The following PPP1R1C variants were observed in gnomAD, a reference collection of about 807,000 sequenced individuals.
PPP1R1C encodes the protein protein phosphatase 1 regulatory inhibitor subunit 1C.
PPP1R1C carries 15 observed loss-of-function variants against 17.4 expected under a neutral mutation model. That is an observed-to-expected ratio of 0.86 (90% confidence interval 0.58 to 1.33). PPP1R1C has a LOEUF of 1.33. Among genes scored for constraint, PPP1R1C ranks in the 40% most tolerant of loss-of-function variants. The pLI is 0.00. For synonymous variants in PPP1R1C, 35 were observed against 43.1 expected, an observed-to-expected ratio of 0.81 and a Z score of 0.73; for missense variants, 143 against 130.0, an observed-to-expected ratio of 1.10 and a Z score of -0.48.
At chr2:182,080,345 A>C (rs905834319) in intron 4 of PPP1R1C, among the ~76,000 whole-genome samples, 1 of 152,190 alleles carries the variant, frequency 6.6e-6, no homozygotes, top group Non-Finnish European at 1.5e-5. Flanking sequence ...TGGTATCACT[A>C]TCCCCCATTT....
intron 4 of PPP1R1C, among the ~76,000 whole-genome samples, chr2:182,112,651 A>G (rs1689476083): frequency 6.6e-6 from 1 of 152,152 alleles, no homozygotes; most frequent in Admixed American, 6.6e-5. Flanking sequence ...ACCATCTGAA[A>G]CTGTTTCTTC....
rs140582751 is a variant in PPP1R1C at position 182,072,784 on chromosome 2, G to A, written c.241+8993G>A. Among the ~76,000 whole-genome samples the A allele has an allele frequency of 1.1e-4, 17 of 152,104 alleles. No individual in the cohort carries two copies. In the East Asian group the frequency reaches 2.5e-3, roughly 22 times the overall value. ...CTTTGTTTTTAATAATTTTAAACTCGTGTTATTGATCCTTATGTAATAACA... is the reference window on the plus strand; with the variant it reads ...CTTTGTTTTTAATAATTTTAAACTCATGTTATTGATCCTTATGTAATAACA... On this transcript the variant is annotated intron_variant, in intron 4 of 4. Transcript: ENST00000682840.
chr2:181,977,173 A>AAAAAAAT (rs1685108769), intron 2 of PPP1R1C, among the ~76,000 whole-genome samples: 1 of 105,914 alleles, frequency 9.4e-6, no homozygotes, highest in African/African-American at 3.8e-5. Context: ...AAAAAAAAAA[A>AAAAAAAT]GCTAGGCTAA....
chr2:182,009,571 TG>T (rs766430666), intron 2 of PPP1R1C, among the ~76,000 whole-genome samples: 1 of 152,086 alleles, frequency 6.6e-6, no homozygotes, highest in Admixed American at 6.5e-5. Flanking sequence ...TCCCATTCGG[TG>T]GGGGTGTCTA....
chr2:182,099,475 CA>C (rs1326487336), intron 4 of PPP1R1C, among the ~76,000 whole-genome samples: 1 of 152,160 alleles, frequency 6.6e-6, no homozygotes, highest in Non-Finnish European at 1.5e-5. Flanking sequence ...CATGCTTAAA[CA>C]AAACCTCACT....
chr2:182,006,742 A>G (rs1373195936), intron 2 of PPP1R1C, among the ~76,000 whole-genome samples: 1 of 152,220 alleles, frequency 6.6e-6, no homozygotes, highest in Non-Finnish European at 1.5e-5. Context: ...AACCCTGTAC[A>G]TGAACCATTA....
At chr2:182,122,513 T>G (rs1689757530), downstream of PPP1R1C, among the ~76,000 whole-genome samples, 1 of 152,148 alleles carries the variant, frequency 6.6e-6, no homozygotes, top group African/African-American at 2.4e-5. Flanking sequence ...ATCAAAAAAG[T>G]AATATATAAT....
intron 2 of PPP1R1C, among the ~76,000 whole-genome samples, chr2:181,990,854 G>T (rs1023220378): frequency 1.3e-5 from 2 of 152,128 alleles, no homozygotes; most frequent in Non-Finnish European, 2.9e-5. Context: ...CAAAAGCTGG[G>T]TGCAGCTTTA....
chr2:182,108,876 G>C lies in PPP1R1C; in HGVS notation c.242-8331G>C, dbSNP rs569981323. Among the ~76,000 whole-genome samples, 4 of 152,230 alleles carry C rather than the reference G, an allele frequency of 2.6e-5. No individual in the cohort carries two copies. In the South Asian group the frequency reaches 6.2e-4, roughly 24 times the overall value. ...GGACATCAGTTTTCGATTCATTTGG[G>C]TAAATACAAAGCAGTGATTTCTGGA... On this transcript the variant is annotated intron_variant, in intron 4 of 4. Transcript: ENST00000682840.
intron 5 of PPP1R1C, among the ~76,000 whole-genome samples, chr2:182,127,329 A>G (rs114012996): frequency 0.012 from 1,880 of 152,208 alleles, 45 homozygotes; most frequent in African/African-American, 0.042. Context: ...AGTGAGGCCT[A>G]GAGAATTTTT....
intron 1 of PPP1R1C, among the ~76,000 whole-genome samples, chr2:181,960,388 C>T (rs1230607052): frequency 6.6e-6 from 1 of 152,228 alleles, no homozygotes; most frequent in African/African-American, 2.4e-5. Context: ...GATCAGTGGT[C>T]TGGTAATGTC....
Position 182,117,613 on chromosome 2 carries a change from T to C in PPP1R1C, c.*318T>C. The stretch of plus-strand genomic sequence containing the variant: ...AGCTTAATCCTTGATGTCCTACTGA[T>C]AAGGTTTGCATTCTAACAACACATG... On this transcript the variant is annotated 3_prime_UTR_variant, in exon 5 of 5. Coordinates refer to ENST00000682840, the MANE Select transcript of PPP1R1C (RefSeq NM_001080545.3). The C allele has an allele frequency of 4.4e-6, 1 of 226,368 alleles. No homozygotes were observed. The highest frequency in any genetic ancestry group is 8.6e-6 in the Non-Finnish European group (1 of 116,628). 14.0% of individuals were successfully genotyped at this position (226,368 alleles called of 1,614,324 possible).
intron 1 of PPP1R1C, among the ~76,000 whole-genome samples, chr2:181,974,653 T>A (rs1201991465): frequency 3.3e-5 from 5 of 152,198 alleles, no homozygotes; most frequent in South Asian, 2.1e-4. Context: ...TTGTGCTATG[T>A]GATTTTCAGA....
intron 4 of PPP1R1C, among the ~76,000 whole-genome samples, chr2:182,116,974 A>G (rs917196063): frequency 2.0e-5 from 3 of 152,144 alleles, no homozygotes; most frequent in African/African-American, 7.2e-5. Context: ...TCCCTAATGG[A>G]GAAGCTTTAA....
At chr2:182,074,858 A>G (rs1478423304) in intron 4 of PPP1R1C, among the ~76,000 whole-genome samples, 1 of 152,256 alleles carries the variant, frequency 6.6e-6, no homozygotes, top group Non-Finnish European at 1.5e-5. Flanking sequence ...GTCAAACAGT[A>G]TACAAATATT....
chr2:181,973,663 G>A (rs1470200749), intron 1 of PPP1R1C, among the ~76,000 whole-genome samples: 1 of 152,110 alleles, frequency 6.6e-6, no homozygotes, highest in Non-Finnish European at 1.5e-5. Context: ...AGAAGAAAAG[G>A]GACTTTTGGC....
At chr2:182,050,918 C>T (rs1196302643) in intron 2 of PPP1R1C, among the ~76,000 whole-genome samples, 1 of 152,166 alleles carries the variant, frequency 6.6e-6, no homozygotes, top group East Asian at 1.9e-4. Context: ...ATTTTTATTA[C>T]AGCAGTCAAC....
At chr2:182,041,033 A>C (rs1441700819) in intron 2 of PPP1R1C, among the ~76,000 whole-genome samples, 1 of 152,102 alleles carries the variant, frequency 6.6e-6, no homozygotes, top group African/African-American at 2.4e-5. Context: ...TACCAGTACC[A>C]TGTTGTTTTG....
intron 2 of PPP1R1C, among the ~76,000 whole-genome samples, chr2:182,047,900 A>G (rs1418393038): frequency 6.6e-6 from 1 of 152,112 alleles, no homozygotes; most frequent in African/African-American, 2.4e-5. Flanking sequence ...ACTAGTTGAG[A>G]GTTCTTTTTG....
Sources: allele counts gnomAD v4.1 joint callset (sites outside exome capture counted in the v4.1 genomes callset), GRCh38; gene constraint gnomAD v4.1.1; transcripts MANE v1.5; gene names NCBI Gene and HGNC (gene_info 2026-07-23, HGNC 2026-07-21).